Variants in FOXN3 observed in about 807,000 individuals in gnomAD.
FOXN3 encodes the protein forkhead box N3.
Under a neutral mutation model 38.4 loss-of-function variants are expected in FOXN3, and 7 were observed. The ratio of observed to expected loss-of-function variants is 0.18; its 90% CI spans 0.10 to 0.34. FOXN3 has a LOEUF of 0.34. Ranked by LOEUF, FOXN3 falls within the 10% of genes least tolerant of loss-of-function variation. FOXN3 has a pLI of 1.00. For synonymous variants in FOXN3, 230 were observed against 242.2 expected (o/e 0.95, Z 0.47); for missense variants, 456 against 613.4 (o/e 0.74, Z 2.71).
chr14:89,611,549 G>C (rs1896387671), intron 1 of FOXN3, among the ~76,000 whole-genome samples: 1 of 152,228 alleles, frequency 6.6e-6, no homozygotes, highest in Non-Finnish European at 1.5e-5. Flanking sequence ...GCTCACGCCT[G>C]TAATCCCAGC....
chr14:89,279,556 A>C (rs939723066), intron 4 of FOXN3, among the ~76,000 whole-genome samples: 5 of 152,192 alleles, frequency 3.3e-5, no homozygotes, highest in African/African-American at 1.2e-4. Flanking sequence ...TTTGAAACTC[A>C]CTTGAAAAGA....
intron 2 of FOXN3, 105 bp downstream of exon 2, chr14:89,411,829 C>T (rs1428253371): frequency 1.4e-6 from 1 of 694,094 alleles, no homozygotes; most frequent in South Asian, 4.6e-5. Context: ...AACCCACTTA[C>T]AACTGCTACT....
chr14:89,486,823 A>G (rs1152390), intron 1 of FOXN3, among the ~76,000 whole-genome samples: 151,376 of 152,302 alleles, frequency 0.99, 75,236 homozygotes, highest in East Asian at 1. Context: ...TTCTTGGATC[A>G]TTATTAAAAG....
chr14:89,400,377 T>G (rs1891214893), intron 2 of FOXN3, among the ~76,000 whole-genome samples: 1 of 152,144 alleles, frequency 6.6e-6, no homozygotes, highest in Non-Finnish European at 1.5e-5. Flanking sequence ...GATTTATACC[T>G]CCACCCGAAT....
chr14:89,585,303 TGA>T (rs1566709343), intron 1 of FOXN3, among the ~76,000 whole-genome samples: 1 of 152,228 alleles, frequency 6.6e-6, no homozygotes, highest in Non-Finnish European at 1.5e-5. Context: ...GAGCCCAGTT[TGA>T]GAGTAATGGT....
intron 1 of FOXN3, among the ~76,000 whole-genome samples, chr14:89,506,490 C>T (rs1178931308): frequency 6.1e-5 from 9 of 147,308 alleles, no homozygotes; most frequent in South Asian, 2.1e-4. Flanking sequence ...CCGCCCCGTC[C>T]GGGAGGGAGG....
intron 2 of FOXN3, among the ~76,000 whole-genome samples, chr14:89,387,858 G>A (rs149610560): frequency 1.6e-4 from 25 of 152,264 alleles, no homozygotes; most frequent in African/African-American, 6.0e-4. Flanking sequence ...GTCTAGCAGC[G>A]GCACACTACA....
chr14:89,446,325 A>C (rs913004815), intron 1 of FOXN3, among the ~76,000 whole-genome samples: 4 of 150,928 alleles, frequency 2.7e-5, no homozygotes. Context: ...AGTAGCTGGG[A>C]TTACAGGCAT....
intron 5 of FOXN3, among the ~76,000 whole-genome samples, chr14:89,178,322 A>T (rs926086672): frequency 2.6e-5 from 4 of 152,114 alleles, no homozygotes; most frequent in Admixed American, 6.5e-5. Context: ...GCGAATTTTT[A>T]AACTTTTTGT....
intron 3 of FOXN3, among the ~76,000 whole-genome samples, chr14:89,301,079 AG>A (rs1887203187): frequency 6.6e-6 from 1 of 152,164 alleles, no homozygotes; most frequent in Non-Finnish European, 1.5e-5. Context: ...CTAGGATTAC[AG>A]GCATGAGCCA....
chr14:89,613,049 G>A (rs1163041217), intron 1 of FOXN3, among the ~76,000 whole-genome samples: 2 of 149,444 alleles, frequency 1.3e-5, no homozygotes, highest in South Asian at 2.1e-4. Flanking sequence ...CCCAGGAGGC[G>A]GAGGTTGCAG....
chr14:89,359,694 G>C (rs970549106), intron 2 of FOXN3, among the ~76,000 whole-genome samples: 1 of 152,144 alleles, frequency 6.6e-6, no homozygotes, highest in Non-Finnish European at 1.5e-5. Flanking sequence ...TGGCAGTCCA[G>C]GGCTTCCTAG....
At chr14:89,593,496 G>T (rs1895999219) in intron 1 of FOXN3, among the ~76,000 whole-genome samples, 1 of 151,932 alleles carries the variant, frequency 6.6e-6, no homozygotes, top group Non-Finnish European at 1.5e-5. Flanking sequence ...AAAAATCATT[G>T]GTCTCACTGA....
chr14:89,416,723 CCA>C (rs2140102242), intron 1 of FOXN3, 146 bp downstream of exon 1: 1 of 152,454 alleles, frequency 6.6e-6, no homozygotes, highest in South Asian at 2.1e-4. Flanking sequence ...CTCCCGGGGT[CCA>C]CACCCGACCC....
At chr14:89,521,761 AT>A (rs1451914495) in intron 1 of FOXN3, among the ~76,000 whole-genome samples, 2 of 152,210 alleles carry the variant, frequency 1.3e-5, no homozygotes, top group Admixed American at 1.3e-4. Context: ...AACAAAAAAA[AT>A]AGCGAATTTA....
Position 89,435,167 on chromosome 14 carries a change from G to A in FOXN3, c.-14-22677C>T, listed in dbSNP as rs114016351. On this transcript the variant is annotated intron_variant, in intron 1 of 6. Transcript: ENST00000345097. ...GAGGCTGCGGAGGGGAGGATTGCTT[G>A]AACCCAGGAGTTAGAAGCCAGCCTG... Among the ~76,000 whole-genome samples, 647 of 152,194 alleles carry A rather than the reference G, an allele frequency of 4.3e-3. 6 individuals are homozygous for A. The highest frequency in any genetic ancestry group is 0.015 in the African/African-American group (617 of 41,492).
chr14:89,415,062 T>C (rs1250176596), intron 1 of FOXN3, among the ~76,000 whole-genome samples: 1 of 152,188 alleles, frequency 6.6e-6, no homozygotes, highest in Non-Finnish European at 1.5e-5. Context: ...TTAACTTCTT[T>C]ATGAACGAAT....
chr14:89,319,077 G>C (rs1226683060), intron 3 of FOXN3, among the ~76,000 whole-genome samples: 1 of 152,222 alleles, frequency 6.6e-6, no homozygotes, highest in African/African-American at 2.4e-5. Flanking sequence ...TGGTACCTGA[G>C]TCAAGGGAAG....
At chr14:89,257,697 C>T (rs888018880) in intron 4 of FOXN3, among the ~76,000 whole-genome samples, 55 of 152,150 alleles carry the variant, frequency 3.6e-4, no homozygotes, top group African/African-American at 1.2e-3. Context: ...CTACAGTGAG[C>T]TATGGGCACA....
Sources: gnomAD v4.1 joint callset for allele counts (sites outside exome capture counted in the v4.1 genomes callset) on GRCh38, gnomAD v4.1.1 for gene constraint, MANE v1.5 for transcripts, NCBI Gene and HGNC (gene_info 2026-07-23, HGNC 2026-07-21) for gene names.